The following STMN1 variants were observed in gnomAD, a reference collection of about 807,000 sequenced individuals.
STMN1 encodes stathmin.
Under a neutral mutation model 19.7 loss-of-function variants are expected in STMN1, and 3 were observed. The ratio of observed to expected loss-of-function variants is 0.15; its 90% CI spans 0.07 to 0.39. STMN1 has a LOEUF of 0.39. Among genes scored for constraint, STMN1 ranks in the 10% least tolerant of loss-of-function variants. STMN1 has a pLI of 1.00. For synonymous variants in STMN1, 59 were observed against 58.9 expected, an observed-to-expected ratio of 1.00 and a Z score of -0.01; for missense variants, 99 against 176.0, an observed-to-expected ratio of 0.56 and a Z score of 2.48.
intron 4 of STMN1, among the ~76,000 whole-genome samples, chr1:25,890,243 CAT>C (rs949463384): frequency 9.2e-5 from 14 of 152,284 alleles, no homozygotes; most frequent in African/African-American, 3.4e-4. Flanking sequence ...GGACGCAACA[CAT>C]GAGGTATGTC....
chr1:25,900,484 A>G lies in STMN1; in HGVS notation c.*532T>C, dbSNP rs1362306496. 4 of 985,810 alleles carry G rather than the reference A, an allele frequency of 4.1e-6. No homozygotes were observed. Among genetic ancestry groups the G allele is most frequent in the Non-Finnish European group, 4.8e-6 (4 of 830,024 alleles). The allele number at this position is 985,810 out of a possible 1,614,324, so 61.1% of individuals were successfully genotyped here. ...GCGTTGGGTATTTCTACCAGCCCCA[A>G]AGGCCCCATCTGGAACAAGTATCAA... is the stretch of plus-strand genomic sequence containing the variant. On this transcript the variant is annotated 3_prime_UTR_variant, in exon 5 of 5. Transcript: ENST00000455785.
downstream of STMN1, among the ~76,000 whole-genome samples, chr1:25,897,757 A>T (rs1260053214): frequency 6.6e-6 from 1 of 152,184 alleles, no homozygotes; most frequent in Non-Finnish European, 1.5e-5. Flanking sequence ...AGCTTCTCCT[A>T]CTAGCTTAGG....
chr1:25,894,494 A>T (rs895357743), intron 4 of STMN1, among the ~76,000 whole-genome samples: 7 of 152,208 alleles, frequency 4.6e-5, no homozygotes, highest in African/African-American at 1.7e-4. Context: ...GGCCTGGGCA[A>T]CATGGTGAAA....
Position 25,903,813 on chromosome 1 carries a change from T to C in STMN1, c.14A>G (p.Asp5Gly). MASS[D>G]IQVKELEKRA... is the part of the protein sequence containing the mutation. ...CTTCTCCAGTTCTTTCACCTGGATA[T>C]CTAGAATTGATTATATTTATAATTC... Residue 5 changes from aspartate (D) to glycine (G), a missense_variant and splice_region_variant, in exon 3 of 5, where the codon GAT becomes GGT. By Grantham distance (94) the Asp-to-Gly change is moderately conservative (BLOSUM62 -1). This residue lies in a region of STMN1 where 37 missense variants were observed against 57.9 expected (regional missense o/e 0.64). Coordinates refer to ENST00000455785, the MANE Select transcript of STMN1 (RefSeq NM_005563.4). The C allele has an allele frequency of 6.3e-7, 1 of 1,594,628 alleles. No homozygotes were observed. Among genetic ancestry groups the C allele is most frequent in the Non-Finnish European group, 8.5e-7 (1 of 1,174,098 alleles).
chr1:25,897,206 G>C (rs1430410428), downstream of STMN1, among the ~76,000 whole-genome samples: 1 of 151,880 alleles, frequency 6.6e-6, no homozygotes. Context: ...CCAGCTACTT[G>C]GGAGGCTGAG....
chr1:25,895,447 A>C (rs2048811257), downstream of STMN1, among the ~76,000 whole-genome samples: 1 of 152,048 alleles, frequency 6.6e-6, no homozygotes, highest in Admixed American at 6.5e-5. Flanking sequence ...GCTGACTTGG[A>C]GTGATGGAGT....
At chr1:25,885,899 T>C (rs1462514448) in intron 4 of STMN1, 2 of 1,533,270 alleles carry the variant, frequency 1.3e-6, no homozygotes, top group Non-Finnish European at 1.8e-6. Context: ...CACCAGGTCA[T>C]CTGCAACCCA....
exon 5 of STMN1, chr1:25,885,851 C>G: frequency 6.5e-7 from 1 of 1,549,466 alleles, no homozygotes; most frequent in South Asian, 1.2e-5. Flanking sequence ...GCCCCAGGCC[C>G]GTGAGTCCAG....
intron 4 of STMN1, among the ~76,000 whole-genome samples, chr1:25,889,703 G>A (rs1405536343): frequency 4.6e-5 from 7 of 152,122 alleles, no homozygotes; most frequent in Non-Finnish European, 1.5e-5. Flanking sequence ...CTTTACACAT[G>A]TAATCTGATC....
chr1:25,887,580 T>C (rs1435483780), intron 4 of STMN1: 3 of 243,330 alleles, frequency 1.2e-5, no homozygotes, highest in East Asian at 2.1e-4. Context: ...AGTAGAGGTA[T>C]GGAAGAAAAG....
exon 5 of STMN1, chr1:25,885,667 C>T (rs1003480063): frequency 1.6e-5 from 24 of 1,490,584 alleles, no homozygotes; most frequent in Middle Eastern, 1.7e-4. Flanking sequence ...CTTGGCCAGA[C>T]TGTTCATCAG....
chr1:25,904,636 T>C, intron 2 of STMN1, 28 bp downstream of exon 2: 1 of 1,605,614 alleles, frequency 6.2e-7, no homozygotes, highest in Non-Finnish European at 8.5e-7. Context: ...CCCATTACAA[T>C]TTCAGATTTT....
chr1:25,891,978 C>T (rs952976715), intron 4 of STMN1, among the ~76,000 whole-genome samples: 3 of 152,186 alleles, frequency 2.0e-5, no homozygotes, highest in Non-Finnish European at 2.9e-5. Context: ...GGTATGGGTG[C>T]CCAAGCCCCC....
At chr1:25,901,197 G>A (rs1429205799) in intron 4 of STMN1, 110 bp from the exon 5 acceptor site, 8 of 1,524,550 alleles carry the variant, frequency 5.2e-6, no homozygotes, top group South Asian at 1.3e-5. Flanking sequence ...CAACCTCAGT[G>A]CATATATTAC....
chr1:25,889,135 C>T (rs1051706313), intron 4 of STMN1: 2 of 426,860 alleles, frequency 4.7e-6, no homozygotes, highest in African/African-American at 2.1e-5. Flanking sequence ...ATGGCACACA[C>T]ATTTATGCTG....
intron 4 of STMN1, among the ~76,000 whole-genome samples, chr1:25,890,111 G>T (rs2048759541): frequency 6.6e-6 from 1 of 151,400 alleles, no homozygotes; most frequent in South Asian, 2.1e-4. Context: ...TAAGTAGGAG[G>T]ACTGGAGGTG....
chr1:25,901,641 T>C lies in STMN1; in HGVS notation c.228A>G (p.Arg76=). 6.2e-7 allele frequency: 1 copy of C among 1,613,226 alleles called. No homozygotes were observed. Among genetic ancestry groups the C allele is most frequent in the Non-Finnish European group, 8.5e-7 (1 of 1,179,744 alleles). ...TCTGAAGCACTTCTTTCTCGTGCTC[T>C]CGTTTCTCAGCCAGCTGCTTCAAGA... The part of the protein sequence containing the change: ...AEVLKQLAEK[R]EHEKEVLQKA... The change falls in exon 4 of 5, where the codon CGA becomes CGG. Residue 76 remains arginine (R), a synonymous_variant. Transcript: ENST00000455785.
chr1:25,892,155 C>T (rs1218119413), intron 4 of STMN1, among the ~76,000 whole-genome samples: 2 of 152,164 alleles, frequency 1.3e-5, no homozygotes, highest in East Asian at 1.9e-4. Flanking sequence ...TTCGGGAGGC[C>T]GAGGTGGGCG....
At chr1:25,904,119 C>G (rs1464508963) in intron 2 of STMN1, among the ~76,000 whole-genome samples, 1 of 152,118 alleles carries the variant, frequency 6.6e-6, no homozygotes, top group Non-Finnish European at 1.5e-5. Context: ...TTGAGACCAG[C>G]CTGGGCAACA....
Sources: gnomAD v4.1 joint callset for allele counts (sites outside exome capture counted in the v4.1 genomes callset) on GRCh38, gnomAD v4.1.1 for gene constraint, gnomAD v4.1.1 regional missense constraint, MANE v1.5 for transcripts, NCBI Gene and HGNC (gene_info 2026-07-23, HGNC 2026-07-21) for gene names.